Variants in ECHDC1 observed in about 807,000 individuals in gnomAD.
ECHDC1 encodes the protein ethylmalonyl-CoA decarboxylase.
ECHDC1 carries 29 observed loss-of-function variants against 29.7 expected under a neutral mutation model. The ratio of observed to expected loss-of-function variants is 0.98; its 90% CI spans 0.73 to 1.33. The LOEUF (loss-of-function observed/expected upper bound fraction) is 1.33. Ranked by LOEUF, ECHDC1 falls within the 40% of genes most tolerant of loss-of-function variation. The probability of loss-of-function intolerance (pLI) is 0.00; values close to 1 mark genes in which losing one functional copy is unlikely to be tolerated. For synonymous variants in ECHDC1, 126 were observed against 123.1 expected (o/e 1.02, Z -0.15); for missense variants, 328 against 350.0 (o/e 0.94, Z 0.50).
chr6:127,335,133 G>A (rs1422274154), intron 1 of ECHDC1, among the ~76,000 whole-genome samples: 1 of 152,034 alleles, frequency 6.6e-6, no homozygotes, highest in Non-Finnish European at 1.5e-5. Flanking sequence ...AACTGACAGA[G>A]AACATATAAA....
At chr6:127,315,294 C>G (rs1782271024) in intron 4 of ECHDC1, 1 of 360,592 alleles carries the variant, frequency 2.8e-6, no homozygotes. Context: ...TTGTTGGTAT[C>G]AGGTTAAAAG....
intron 3 of ECHDC1, among the ~76,000 whole-genome samples, chr6:127,323,070 A>C (rs1782977021): frequency 1.3e-5 from 2 of 152,146 alleles, no homozygotes; most frequent in South Asian, 4.1e-4. Flanking sequence ...GTACAAAATT[A>C]ATGAAAATAC....
At chr6:127,333,919 T>A (rs1583010729) in intron 1 of ECHDC1, among the ~76,000 whole-genome samples, 1 of 152,326 alleles carries the variant, frequency 6.6e-6, no homozygotes, top group East Asian at 1.9e-4. Context: ...TTTGTGTTTC[T>A]ATAATGTCTA....
At position 127,289,822 on chromosome 6, in the gene ECHDC1, A is replaced by G. The variant is rs1180471073; in HGVS notation, c.*47T>C. ...TTAATATCATTTAACATTTATACAT[A>G]TTAGTCACTGGAGCTTTACTTGGAG... On this transcript the variant is annotated 3_prime_UTR_variant, in exon 6 of 6. Coordinates refer to ENST00000454859, the MANE Select transcript of ECHDC1 (RefSeq NM_001002030.2). The G allele has an allele frequency of 2.0e-6, 3 of 1,510,424 alleles. No homozygotes were observed. The highest frequency in any genetic ancestry group is 2.7e-6 in the Non-Finnish European group (3 of 1,118,488). 93.6% of individuals were successfully genotyped at this position (1,510,424 alleles called of 1,614,324 possible).
At chr6:127,313,233 T>TTTATTTATTTG (rs1255620267) in intron 5 of ECHDC1, 1 of 156,332 alleles carries the variant, frequency 6.4e-6, no homozygotes. Flanking sequence ...AGACAGAGTC[T>TTTATTTATTTG]CACTCTGTTG....
At chr6:127,303,359 G>A (rs964275802) in intron 5 of ECHDC1, among the ~76,000 whole-genome samples, 1 of 152,156 alleles carries the variant, frequency 6.6e-6, no homozygotes, top group African/African-American at 2.4e-5. Flanking sequence ...AGTTCTTGAA[G>A]GAAATTCAAA....
chr6:127,305,650 G>A (rs1781384022), intron 5 of ECHDC1, among the ~76,000 whole-genome samples: 1 of 152,010 alleles, frequency 6.6e-6, no homozygotes, highest in Admixed American at 6.6e-5. Context: ...AAAGCCAGAG[G>A]ATAAAGTTAA....
chr6:127,301,195 T>A (rs1174416786), intron 5 of ECHDC1, among the ~76,000 whole-genome samples: 1 of 152,258 alleles, frequency 6.6e-6, no homozygotes, highest in Non-Finnish European at 1.5e-5. Context: ...GGTCTATCTA[T>A]GCAAAGTAGA....
intron 3 of ECHDC1, among the ~76,000 whole-genome samples, chr6:127,324,530 T>G (rs1472267162): frequency 6.6e-6 from 1 of 152,174 alleles, no homozygotes; most frequent in Middle Eastern, 3.2e-3. Flanking sequence ...TATATCAATG[T>G]ACTTGAAAAA....
intron 5 of ECHDC1, chr6:127,313,614 A>G (rs543127974): frequency 4.4e-6 from 2 of 456,020 alleles, no homozygotes; most frequent in East Asian, 6.9e-5. Context: ...GTTTACTAGA[A>G]GTCTTCTCTT....
At position 127,314,875 on chromosome 6, in the gene ECHDC1, C is replaced by T. The variant is rs369602393; in HGVS notation, c.438G>A (p.Ala146=). ...RFMRLPLISV[A]LVQGWALGGG... The stretch of plus-strand genomic sequence containing the variant: ...CACCCAATGCCCAACCTTGAACCAG[C>T]GCAACACTTATTAAAGGAAGTCTGT... Residue 146 remains alanine, a synonymous_variant, in exon 5 of 6, where the codon GCG becomes GCA. Transcript: ENST00000454859. 1.6e-5 allele frequency: 26 copies of T among 1,611,994 alleles called. No individual in the cohort carries two copies. Among genetic ancestry groups the T allele is most frequent in the South Asian group, 1.3e-4 (12 of 90,480 alleles).
chr6:127,324,317 C>T (rs1209777013), intron 3 of ECHDC1, among the ~76,000 whole-genome samples: 2 of 152,244 alleles, frequency 1.3e-5, no homozygotes, highest in East Asian at 3.9e-4. Flanking sequence ...CTTTAGAATA[C>T]ATTAGCTAAC....
chr6:127,327,456 G>A (rs1783454947), intron 2 of ECHDC1, among the ~76,000 whole-genome samples: 1 of 152,008 alleles, frequency 6.6e-6, no homozygotes, highest in African/African-American at 2.4e-5. Context: ...AAAACGATAT[G>A]GTAATAAGAA....
intron 3 of ECHDC1, 109 bp from the exon 4 acceptor site, chr6:127,316,611 A>G: frequency 1.2e-6 from 1 of 806,452 alleles, no homozygotes; most frequent in Non-Finnish European, 1.9e-6. Context: ...TGTCTTTTTT[A>G]AACAATGACA....
At chr6:127,330,731 C>T in intron 2 of ECHDC1, 78 bp downstream of exon 2, 1 of 1,260,130 alleles carries the variant, frequency 7.9e-7, no homozygotes, top group Middle Eastern at 2.5e-4. Context: ...CATTCTGTCA[C>T]CACAGCAAGG....
intron 3 of ECHDC1, among the ~76,000 whole-genome samples, chr6:127,324,521 A>AT (rs1562325685): frequency 1.3e-5 from 2 of 152,202 alleles, no homozygotes; most frequent in African/African-American, 4.8e-5. Flanking sequence ...GGAATGTGCT[A>AT]TATCAATGTA....
intron 5 of ECHDC1, among the ~76,000 whole-genome samples, chr6:127,309,478 A>G (rs1182557512): frequency 6.4e-5 from 7 of 109,120 alleles, no homozygotes; most frequent in Admixed American, 9.8e-5. Flanking sequence ...AACAAACAAC[A>G]AAACACACAC....
In ECHDC1 at chr6:127,289,796, T is replaced by C; in HGVS notation, c.*73A>G. The stretch of plus-strand genomic sequence containing the variant: ...CTTCAAAGTAATTCTGATGTTCATA[T>C]TTAATATCATTTAACATTTATACAT... On this transcript the variant is annotated 3_prime_UTR_variant, in exon 6 of 6. Transcript: ENST00000454859. 2 of 1,383,154 alleles carry C rather than the reference T, an allele frequency of 1.4e-6. No individual in the cohort carries two copies. Among genetic ancestry groups the C allele is most frequent in the Non-Finnish European group, 2.0e-6 (2 of 1,023,310 alleles). The allele number at this position is 1,383,154 out of a possible 1,614,324, so 85.7% of individuals were successfully genotyped here. A position where few individuals can be genotyped will look rare whatever the true frequency, so the allele number is the denominator to read the frequency against.
At chr6:127,323,150 T>C (rs536699057) in intron 3 of ECHDC1, among the ~76,000 whole-genome samples, 81 of 152,198 alleles carry the variant, frequency 5.3e-4, no homozygotes, top group African/African-American at 1.9e-3. Flanking sequence ...TTGTTTAGAG[T>C]TGGGTTCCAT....
Sources: allele counts gnomAD v4.1 joint callset (sites outside exome capture counted in the v4.1 genomes callset), GRCh38; gene constraint gnomAD v4.1.1; transcripts MANE v1.5; gene names NCBI Gene and HGNC (gene_info 2026-07-23, HGNC 2026-07-21).